TDRD3: variants seen among roughly 807,000 people sequenced by gnomAD.
TDRD3 encodes tudor domain-containing protein 3.
A neutral mutation model predicts 86.7 loss-of-function variants in TDRD3; 45 were observed. The ratio of observed to expected loss-of-function variants is 0.52; its 90% CI spans 0.41 to 0.67. The LOEUF (loss-of-function observed/expected upper bound fraction) is 0.67, where lower values mean the gene tolerates loss of function less well. Ranked by LOEUF, TDRD3 falls within the 30% of genes least tolerant of loss-of-function variation. The probability of loss-of-function intolerance (pLI) is 0.00; values close to 1 mark genes in which losing one functional copy is unlikely to be tolerated. For synonymous variants in TDRD3, 298 were observed against 301.7 expected (o/e 0.99, Z 0.13); for missense variants, 814 against 889.0 (o/e 0.92, Z 1.07).
intron 12 of TDRD3, among the ~76,000 whole-genome samples, chr13:60,555,828 G>GA (rs541026401): frequency 6.1e-5 from 9 of 146,954 alleles, no homozygotes; most frequent in African/African-American, 1.5e-4. Context: ...CATAGGGTAG[G>GA]AAAAAAAACC....
At chr13:60,424,924 T>C (rs1052113843) in intron 1 of TDRD3, among the ~76,000 whole-genome samples, 2 of 152,188 alleles carry the variant, frequency 1.3e-5, no homozygotes, top group African/African-American at 4.8e-5. Context: ...TCATTTAGCA[T>C]AACATTTTTA....
chr13:60,446,259 G>A (rs888179161), intron 3 of TDRD3, among the ~76,000 whole-genome samples: 1 of 151,952 alleles, frequency 6.6e-6, no homozygotes, highest in South Asian at 2.1e-4. Flanking sequence ...GTCTTGCTCT[G>A]TTGCCCAGGC....
Position 60,467,350 on chromosome 13 carries a change from C to A in TDRD3, c.466C>A (p.His156Asn), listed in dbSNP as rs781135076. 8.1e-6 allele frequency: 13 copies of A among 1,613,702 alleles called. No homozygotes were observed. The Admixed American group carries it at 2.2e-4, about 27-fold the overall frequency. ...NTTVLGGEVEHLIEKWELQRS... is the reference protein window; with the variant it reads ...NTTVLGGEVENLIEKWELQRS... ...CACAGTTCTTGGTGGTGAAGTGGAACACCTTATTGAGAAATGGGAGTTACA... is the reference window on the plus strand; with the variant it reads ...CACAGTTCTTGGTGGTGAAGTGGAAAACCTTATTGAGAAATGGGAGTTACA... The change falls in exon 5 of 14, where the codon CAC (histidine) becomes AAC (asparagine). Residue 156 changes from histidine (H) to asparagine (N), a missense_variant. Physicochemically the swap from His to Asn is moderately conservative, Grantham distance 68 (BLOSUM62 1). Coordinates refer to ENST00000377881, the MANE Select transcript of TDRD3 (RefSeq NM_001146070.2).
At chr13:60,492,871 A>G (rs1435134144) in intron 7 of TDRD3, among the ~76,000 whole-genome samples, 1 of 144,748 alleles carries the variant, frequency 6.9e-6, no homozygotes, top group Non-Finnish European at 1.5e-5. Context: ...GTTTTCATGT[A>G]TACTTCTTTG....
chr13:60,413,460 T>A (rs543409414), intron 1 of TDRD3, among the ~76,000 whole-genome samples: 20 of 152,302 alleles, frequency 1.3e-4, no homozygotes, highest in African/African-American at 4.8e-4. Flanking sequence ...TAACTGCTCA[T>A]GTCTCAGTTT....
intron 2 of TDRD3, among the ~76,000 whole-genome samples, chr13:60,441,101 G>T (rs966524378): frequency 2.0e-5 from 3 of 151,944 alleles, no homozygotes; most frequent in Admixed American, 6.6e-5. Context: ...ATAAATAAAA[G>T]ACTAATTTTT....
intron 12 of TDRD3, chr13:60,547,227 C>T: frequency 1.0e-6 from 1 of 985,320 alleles, no homozygotes; most frequent in South Asian, 4.7e-5. Flanking sequence ...ACCACTTTTG[C>T]CATTCTTGGA....
intron 1 of TDRD3, among the ~76,000 whole-genome samples, chr13:60,402,994 A>T (rs2137798862): frequency 6.6e-6 from 1 of 152,344 alleles, no homozygotes; most frequent in South Asian, 2.1e-4. Flanking sequence ...GTTCAAAGGT[A>T]ATAAGCCTTG....
At chr13:60,494,609 G>A (rs1337747997) in intron 8 of TDRD3, 34 bp downstream of exon 8, 1 of 1,589,712 alleles carries the variant, frequency 6.3e-7, no homozygotes, top group African/African-American at 1.4e-5. Context: ...AATTTAAAGT[G>A]TTATTTCTTA....
chr13:60,416,796 A>G (rs540673235), intron 1 of TDRD3, among the ~76,000 whole-genome samples: 1 of 152,296 alleles, frequency 6.6e-6, no homozygotes, highest in South Asian at 2.1e-4. Flanking sequence ...TTCACTGTTA[A>G]GACATAGTGT....
chr13:60,525,494 A>T (rs113409002), intron 10 of TDRD3, among the ~76,000 whole-genome samples: 335 of 152,242 alleles, frequency 2.2e-3, no homozygotes, highest in Non-Finnish European at 4.2e-3. Flanking sequence ...ATTTTTAAAA[A>T]ATAATTTTCT....
intron 12 of TDRD3, among the ~76,000 whole-genome samples, chr13:60,542,268 A>G (rs947563014): frequency 6.6e-6 from 1 of 152,214 alleles, no homozygotes; most frequent in African/African-American, 2.4e-5. Flanking sequence ...AAGACTTGCT[A>G]ATATACTCAG....
chr13:60,527,683 A>G (rs565147805), intron 10 of TDRD3, among the ~76,000 whole-genome samples: 1 of 152,352 alleles, frequency 6.6e-6, no homozygotes, highest in East Asian at 1.9e-4. Context: ...CATTATAGGC[A>G]GTATTATGCT....
chr13:60,492,652 A>C (rs1566239879), intron 7 of TDRD3, among the ~76,000 whole-genome samples: 1 of 152,208 alleles, frequency 6.6e-6, no homozygotes, highest in Non-Finnish European at 1.5e-5. Flanking sequence ...TAGTTATACA[A>C]GTAATGACTA....
intron 5 of TDRD3, among the ~76,000 whole-genome samples, chr13:60,483,512 T>C (rs573192066): frequency 6.6e-6 from 1 of 152,144 alleles, no homozygotes; most frequent in Non-Finnish European, 1.5e-5. Context: ...TGTTTTCTCC[T>C]TAGGGGAATG....
At chr13:60,507,264 C>A (rs1474984534) in intron 8 of TDRD3, among the ~76,000 whole-genome samples, 1 of 152,084 alleles carries the variant, frequency 6.6e-6, no homozygotes, top group Non-Finnish European at 1.5e-5. Context: ...GACTTTAACA[C>A]CCCACTGTCA....
chr13:60,479,672 T>C lies in TDRD3; in HGVS notation c.496-4103T>C, dbSNP rs1259658873. Among the ~76,000 whole-genome samples, 2 of 152,228 alleles carry C rather than the reference T, an allele frequency of 1.3e-5. 1 individual carries two copies. Among genetic ancestry groups the C allele is most frequent in the Non-Finnish European group, 2.9e-5 (2 of 68,034 alleles). Reference sequence around the variant, plus strand: ...GAAGAACTTATTTTATAAATCTGGGTGCTCCAGTGTTGGGTATATACATAT... The same window carrying C: ...GAAGAACTTATTTTATAAATCTGGGCGCTCCAGTGTTGGGTATATACATAT... On this transcript the variant is annotated intron_variant, in intron 5 of 13. Coordinates refer to ENST00000377881, the MANE Select transcript of TDRD3 (RefSeq NM_001146070.2).
intron 1 of TDRD3, among the ~76,000 whole-genome samples, chr13:60,411,227 C>T (rs1232191700): frequency 6.6e-6 from 1 of 152,108 alleles, no homozygotes; most frequent in African/African-American, 2.4e-5. Flanking sequence ...AGTTTCTTAA[C>T]AAATTGAGAG....
intron 11 of TDRD3, among the ~76,000 whole-genome samples, chr13:60,533,613 C>T (rs1285762733): frequency 6.6e-6 from 1 of 151,836 alleles, no homozygotes; most frequent in Non-Finnish European, 1.5e-5. Flanking sequence ...TGCACTCCAG[C>T]CTGGGTGACA....
Sources: gnomAD v4.1 joint callset for allele counts (sites outside exome capture counted in the v4.1 genomes callset) on GRCh38, gnomAD v4.1.1 for gene constraint, MANE v1.5 for transcripts, NCBI Gene and HGNC (gene_info 2026-07-23, HGNC 2026-07-21) for gene names.